The following CPNE4 variants were observed in gnomAD, a reference collection of about 807,000 sequenced individuals.
CPNE4 encodes copine 4.
CPNE4 carries 25 observed loss-of-function variants against 67.9 expected under a neutral mutation model. That is an observed-to-expected ratio of 0.37 (90% confidence interval 0.27 to 0.51). The LOEUF (loss-of-function observed/expected upper bound fraction) is 0.51. Among genes scored for constraint, CPNE4 ranks in the 20% least tolerant of loss-of-function variants. The pLI is 0.93. For synonymous variants in CPNE4, 242 were observed against 244.9 expected, an observed-to-expected ratio of 0.99 and a Z score of 0.11; for missense variants, 464 against 690.8, an observed-to-expected ratio of 0.67 and a Z score of 3.68.
At chr3:131,812,871 T>C (rs977339997) in intron 2 of CPNE4, among the ~76,000 whole-genome samples, 5 of 152,208 alleles carry the variant, frequency 3.3e-5, no homozygotes, top group African/African-American at 1.2e-4. Flanking sequence ...TCTCAAAGGA[T>C]ACATGGAAGT....
intron 1 of CPNE4, among the ~76,000 whole-genome samples, chr3:131,909,503 G>T (rs2088896993): frequency 6.6e-6 from 1 of 152,004 alleles, no homozygotes; most frequent in Non-Finnish European, 1.5e-5. Context: ...GTTCACATGG[G>T]CCTGGTTAAA....
intron 6 of CPNE4, among the ~76,000 whole-genome samples, chr3:131,681,184 A>C (rs776372544): frequency 6.6e-6 from 1 of 152,218 alleles, no homozygotes; most frequent in African/African-American, 2.4e-5. Context: ...TACACACCAC[A>C]ATTAGAGCAT....
chr3:131,685,422 T>C (rs540097404), intron 6 of CPNE4, among the ~76,000 whole-genome samples: 7 of 148,838 alleles, frequency 4.7e-5, no homozygotes, highest in Non-Finnish European at 1.0e-4. Context: ...AAAAAAAAGC[T>C]AAAAATGGCA....
At chr3:131,553,849 C>A (rs1334453039) in intron 12 of CPNE4, among the ~76,000 whole-genome samples, 2 of 152,034 alleles carry the variant, frequency 1.3e-5, no homozygotes, top group Non-Finnish European at 2.9e-5. Flanking sequence ...CTGCTCAAAT[C>A]ATCAGTGCTT....
At chr3:131,579,439 G>A (rs370611014) in intron 9 of CPNE4, among the ~76,000 whole-genome samples, 12 of 152,052 alleles carry the variant, frequency 7.9e-5, no homozygotes, top group East Asian at 5.8e-4. Context: ...ATGAATCTAG[G>A]GGTAATTTCA....
intron 10 of CPNE4, among the ~76,000 whole-genome samples, chr3:131,565,388 A>G (rs940569345): frequency 4.6e-5 from 7 of 152,020 alleles, no homozygotes; most frequent in African/African-American, 1.7e-4. Flanking sequence ...GGGAATCATA[A>G]TGGGAAATGT....
intron 2 of CPNE4, among the ~76,000 whole-genome samples, chr3:131,795,826 T>C (rs971104800): frequency 6.6e-6 from 1 of 152,192 alleles, no homozygotes; most frequent in African/African-American, 2.4e-5. Flanking sequence ...CTCTTATAGC[T>C]CACTAAATAT....
intron 2 of CPNE4, among the ~76,000 whole-genome samples, chr3:131,792,672 C>CACACCTGTATATATGT (rs1560322350): frequency 3.0e-5 from 1 of 32,858 alleles, no homozygotes; most frequent in Non-Finnish European, 6.1e-5. Context: ...TGTATATATA[C>CACACCTGTATATATGT]ATATATACAC....
At chr3:131,865,795 A>C (rs2086919677) in intron 2 of CPNE4, among the ~76,000 whole-genome samples, 1 of 152,200 alleles carries the variant, frequency 6.6e-6, no homozygotes, top group Non-Finnish European at 1.5e-5. Flanking sequence ...GTACATAGGT[A>C]TTTATTAAGG....
At chr3:131,560,646 G>T (rs1312974444) in intron 11 of CPNE4, among the ~76,000 whole-genome samples, 1 of 151,958 alleles carries the variant, frequency 6.6e-6, no homozygotes, top group Non-Finnish European at 1.5e-5. Flanking sequence ...GGCTACTTGG[G>T]GAAAAATTGT....
At chr3:131,925,781 CT>C (rs2070876812) in intron 1 of CPNE4, among the ~76,000 whole-genome samples, 3 of 152,184 alleles carry the variant, frequency 2.0e-5, no homozygotes, top group Admixed American at 2.0e-4. Context: ...AAGTTTCTGA[CT>C]GGGCAGCCTC....
At chr3:131,910,482 G>A (rs1272949706) in intron 1 of CPNE4, among the ~76,000 whole-genome samples, 3 of 152,156 alleles carry the variant, frequency 2.0e-5, no homozygotes, top group Non-Finnish European at 4.4e-5. Context: ...TTACCTCAGA[G>A]GAGAGGAGAG....
At chr3:131,806,424 C>G (rs910746876) in intron 2 of CPNE4, among the ~76,000 whole-genome samples, 1 of 151,344 alleles carries the variant, frequency 6.6e-6, no homozygotes, top group African/African-American at 2.4e-5. Context: ...GTGGCGGGCG[C>G]CTGTAATCCC....
intron 3 of CPNE4, among the ~76,000 whole-genome samples, chr3:131,715,551 C>T (rs1462263531): frequency 6.6e-6 from 1 of 152,206 alleles, no homozygotes; most frequent in Non-Finnish European, 1.5e-5. Context: ...TCAGTTTCCT[C>T]AGCTGTAAAA....
chr3:131,924,904 T>C (rs1173042699), intron 1 of CPNE4, among the ~76,000 whole-genome samples: 1 of 152,152 alleles, frequency 6.6e-6, no homozygotes, highest in Non-Finnish European at 1.5e-5. Flanking sequence ...AGCTCCCACC[T>C]CTTCTTTGGT....
At chr3:131,977,709 C>T (rs564514886) in intron 1 of CPNE4, among the ~76,000 whole-genome samples, 1 of 151,876 alleles carries the variant, frequency 6.6e-6, no homozygotes, top group Non-Finnish European at 1.5e-5. Context: ...TCATAAGTTA[C>T]AGGGGTACAG....
intron 1 of CPNE4, among the ~76,000 whole-genome samples, chr3:131,932,498 T>C (rs1324140257): frequency 6.6e-6 from 1 of 152,014 alleles, no homozygotes; most frequent in Non-Finnish European, 1.5e-5. Context: ...TATGAATATA[T>C]ACCTACATAA....
At position 131,905,432 on chromosome 3, in the gene CPNE4, C is replaced by T. The variant is rs749162186; in HGVS notation, c.12G>A (p.Met4Ile). 67 of 1,612,342 alleles carry T rather than the reference C, an allele frequency of 4.2e-5. No homozygotes were observed. Among genetic ancestry groups the T allele is most frequent in the Non-Finnish European group, 5.3e-5 (63 of 1,179,280 alleles). MKK[M>I]SNIYESAANT... ...TGGCAGCGGACTCATAAATGTTGCT[C>T]ATCTTCTTCATTCTGTTTTAGGCAA... The change falls in exon 2 of 16, where the codon ATG (methionine) becomes ATA (isoleucine). Residue 4 changes from methionine (M) to isoleucine (I), a missense_variant. By Grantham distance (10) the Met-to-Ile change is conservative. Transcript: ENST00000429747.
chr3:131,943,204 T>C (rs1321913486), intron 1 of CPNE4, among the ~76,000 whole-genome samples: 1 of 152,154 alleles, frequency 6.6e-6, no homozygotes, highest in Non-Finnish European at 1.5e-5. Context: ...ACATTTATAT[T>C]CCTACAGCAA....
Sources: allele counts gnomAD v4.1 joint callset (sites outside exome capture counted in the v4.1 genomes callset), GRCh38; gene constraint gnomAD v4.1.1; transcripts MANE v1.5; gene names NCBI Gene and HGNC (gene_info 2026-07-23, HGNC 2026-07-21).